The following PMFBP1 variants were observed in gnomAD, a reference collection of about 807,000 sequenced individuals.
PMFBP1 encodes the protein polyamine modulated factor 1 binding protein 1, also known as polyamine-modulated factor 1-binding protein 1.
Under a neutral mutation model 137.8 loss-of-function variants are expected in PMFBP1, and 131 were observed. That is an observed-to-expected ratio of 0.95 (90% CI 0.82 to 1.10). PMFBP1 has a LOEUF of 1.10. PMFBP1 is among the 50% of genes least tolerant of loss of function. PMFBP1 has a pLI of 0.00. For synonymous variants in PMFBP1, 490 were observed against 450.4 expected (o/e 1.09, Z -1.11); for missense variants, 1,199 against 1,175.4 (o/e 1.02, Z -0.29).
At chr16:72,219,374 G>T in the PMFBP1 span, among the ~76,000 whole-genome samples, 7 of 152,186 alleles carry the variant, frequency 4.6e-5, no homozygotes, top group African/African-American at 1.7e-4. Context: ...TAGTGTAGGT[G>T]AGAGATGGGT....
At chr16:72,128,943 C>T in intron 13 of PMFBP1, 123 bp downstream of exon 13, 3 of 1,510,296 alleles carry the variant, frequency 2.0e-6, no homozygotes, top group Non-Finnish European at 2.7e-6. Context: ...TGGCCTTTCC[C>T]ACTGTCCCTC....
At chr16:72,140,291 A>G (rs2042696852) in intron 6 of PMFBP1, 121 bp downstream of exon 6, 1 of 1,033,264 alleles carries the variant, frequency 9.7e-7, no homozygotes, top group African/African-American at 1.6e-5. Flanking sequence ...GCAAGTATAT[A>G]TCAGACATTT....
chr16:72,182,130 C>T, the PMFBP1 span, among the ~76,000 whole-genome samples: 3 of 152,124 alleles, frequency 2.0e-5, no homozygotes, highest in African/African-American at 7.2e-5. Context: ...TGTATGAGCC[C>T]GTAATTTAAA....
the PMFBP1 span, among the ~76,000 whole-genome samples, chr16:72,199,979 G>C: frequency 2.0e-5 from 3 of 152,216 alleles, no homozygotes; most frequent in African/African-American, 7.2e-5. Context: ...AGCAGCCCGA[G>C]AGGAAATGAA....
At chr16:72,129,795 A>G (rs10492815) in intron 12 of PMFBP1, among the ~76,000 whole-genome samples, 7,312 of 152,266 alleles carry the variant, frequency 0.048, 532 homozygotes, top group East Asian at 0.26. Context: ...CTGGTCAATT[A>G]ATTTGCATGG....
upstream of PMFBP1, among the ~76,000 whole-genome samples, chr16:72,178,754 A>C (rs2043266678): frequency 2.6e-5 from 4 of 152,186 alleles, no homozygotes; most frequent in Admixed American, 2.6e-4. Context: ...CTCCAGGTTC[A>C]TCTTATACTT....
chr16:72,118,009 G>C (rs960488831), downstream of PMFBP1, among the ~76,000 whole-genome samples: 23 of 152,150 alleles, frequency 1.5e-4, no homozygotes, highest in African/African-American at 5.6e-4. Context: ...CTTTGCTCTG[G>C]TGTAATCACT....
intron 9 of PMFBP1, 48 bp from the exon 10 acceptor site, chr16:72,133,039 G>A (rs1430347198): frequency 6.3e-7 from 1 of 1,599,906 alleles, no homozygotes. Flanking sequence ...AGTGGCAGTG[G>A]GTGAAGGCAA....
At chr16:72,208,478 GAATAT>G in the PMFBP1 span, among the ~76,000 whole-genome samples, 1 of 152,188 alleles carries the variant, frequency 6.6e-6, no homozygotes, top group Non-Finnish European at 1.5e-5. Context: ...TTATTAAATT[GAATAT>G]ATAATTTTCC....
chr16:72,123,770 C>G (rs538943760), intron 17 of PMFBP1, 121 bp from the exon 18 acceptor site: 3 of 859,490 alleles, frequency 3.5e-6, no homozygotes, highest in Admixed American at 5.4e-5. Flanking sequence ...CTGTCCAACC[C>G]GAGGCCAGAG....
chr16:72,142,011 A>G (rs1193134930), intron 5 of PMFBP1, among the ~76,000 whole-genome samples: 2 of 25,262 alleles, frequency 7.9e-5, no homozygotes, highest in Non-Finnish European at 1.6e-4. Context: ...TACATCGTGA[A>G]AAAAAAAAAA....
Position 72,125,949 on chromosome 16 carries a change from C to G in PMFBP1, c.2253+19G>C. 6.2e-7 allele frequency: 1 copy of G among 1,612,544 alleles called. No homozygotes were observed. Among genetic ancestry groups the G allele is most frequent in the Non-Finnish European group, 8.5e-7 (1 of 1,179,292 alleles). On this transcript the variant is annotated intron_variant, in intron 15 of 20. Coordinates refer to ENST00000237353, the MANE Select transcript of PMFBP1 (RefSeq NM_031293.3). ...CCTTGCCTGAAAACAGCCCTGGAGA[C>G]TAGAGGGTGTGGCCTCACCTTCTCG... is the stretch of plus-strand genomic sequence containing the variant.
chr16:72,195,190 C>T, the PMFBP1 span, among the ~76,000 whole-genome samples: 1 of 152,292 alleles, frequency 6.6e-6, no homozygotes, highest in Middle Eastern at 3.4e-3. Context: ...CACCAGGGCC[C>T]ACGTTTTCTG....
chr16:72,200,914 C>T, the PMFBP1 span, among the ~76,000 whole-genome samples: 3 of 152,278 alleles, frequency 2.0e-5, no homozygotes, highest in Admixed American at 2.0e-4. Flanking sequence ...AGGGAGTTGC[C>T]TGCTGTGTAT....
At chr16:72,143,933 C>T (rs1343949262) in intron 5 of PMFBP1, among the ~76,000 whole-genome samples, 5 of 150,794 alleles carry the variant, frequency 3.3e-5, no homozygotes, top group Non-Finnish European at 5.9e-5. Flanking sequence ...CCCAGCTACT[C>T]GGGAGGCTGA....
chr16:72,155,366 C>T (rs1032578320), intron 3 of PMFBP1, among the ~76,000 whole-genome samples: 1 of 152,212 alleles, frequency 6.6e-6, no homozygotes, highest in Non-Finnish European at 1.5e-5. Context: ...GCTCTCCTTC[C>T]TGTTTTTTCC....
chr16:72,125,360 T>C lies in PMFBP1; in HGVS notation c.2299A>G (p.Thr767Ala), dbSNP rs778119287. ...SETKSLQQSL[T>A]QTQEKKAQLE... is the part of the protein sequence containing the mutation. ...TGAGCTTTCTTCTCTTGGGTCTGTG[T>C]CAAGCTTTGCTGCAGGCTCTTTGTC... The change falls in exon 16 of 21, where the codon ACA becomes GCA. Residue 767 changes from threonine to alanine, a missense_variant. By Grantham distance (58) the Thr-to-Ala change is moderately conservative. Coordinates refer to ENST00000237353, the MANE Select transcript of PMFBP1 (RefSeq NM_031293.3). 1.9e-6 allele frequency: 3 copies of C among 1,613,932 alleles called. No homozygotes were observed. In the South Asian group the frequency reaches 3.3e-5, roughly 18 times the overall value.
chr16:72,135,064 C>T (rs764306754), intron 9 of PMFBP1, among the ~76,000 whole-genome samples: 1 of 152,090 alleles, frequency 6.6e-6, no homozygotes, highest in Admixed American at 6.5e-5. Flanking sequence ...ACGCAGACTC[C>T]GTGCCTTGTC....
the PMFBP1 span, among the ~76,000 whole-genome samples, chr16:72,216,772 A>G: frequency 6.6e-6 from 1 of 152,298 alleles, no homozygotes; most frequent in South Asian, 2.1e-4. Context: ...GATCTGCCCC[A>G]TAGGATTCCA....
Sources: gnomAD v4.1 joint callset for allele counts (sites outside exome capture counted in the v4.1 genomes callset) on GRCh38, gnomAD v4.1.1 for gene constraint, MANE v1.5 for transcripts, NCBI Gene and HGNC (gene_info 2026-07-23, HGNC 2026-07-21) for gene names.